The following PSMD11 variants were observed in gnomAD, a reference collection of about 807,000 sequenced individuals.
The protein encoded by PSMD11 is 26S proteasome non-ATPase regulatory subunit 11.
In PSMD11, 5 loss-of-function variants were observed where a neutral mutation model predicts 62.3. That is an observed-to-expected ratio of 0.08 (90% confidence interval 0.04 to 0.17). The LOEUF is 0.17. Ranked by LOEUF, PSMD11 falls within the 10% of genes least tolerant of loss-of-function variation. The pLI, the probability that PSMD11 is intolerant of heterozygous loss-of-function variation, is 1.00. For synonymous variants in PSMD11, 191 were observed against 191.8 expected (o/e 1.00, Z 0.03); for missense variants, 310 against 512.9 (o/e 0.60, Z 3.82).
Position 32,444,547 on chromosome 17 carries a change from G to A in PSMD11, c.24G>A (p.Glu8=), listed in dbSNP as rs774463552. The A allele has an allele frequency of 2.7e-5, 43 of 1,609,178 alleles. No homozygotes were observed. The highest frequency in any genetic ancestry group is 3.2e-5 in the Non-Finnish European group (38 of 1,178,294). Residue 8 remains glutamate (E), a synonymous_variant, in exon 1 of 14, where the codon GAG becomes GAA. Transcript: ENST00000261712. MAAAAVV[E]FQRAQSLLST... is the part of the protein sequence containing the mutation. ...AGATGGCGGCGGCGGCGGTGGTGGA[G>A]TTCCAGAGAGCCCAGTCTCTACTCA...
At chr17:32,449,306 G>A (rs775688225) in intron 2 of PSMD11, among the ~76,000 whole-genome samples, 23 of 152,188 alleles carry the variant, frequency 1.5e-4, no homozygotes, top group Non-Finnish European at 2.8e-4. Context: ...TCTGGAGGCT[G>A]AGGTGGGAGG....
intron 2 of PSMD11, among the ~76,000 whole-genome samples, chr17:32,452,324 A>G (rs1284086953): frequency 1.3e-5 from 2 of 152,218 alleles, no homozygotes; most frequent in East Asian, 3.8e-4. Context: ...TATTAATATC[A>G]CAGGTACAGG....
rs1287313184 is a variant in PSMD11 at position 32,450,906 on chromosome 17, AT to A, written c.194-3577del. Among the ~76,000 whole-genome samples the A allele has an allele frequency of 5.6e-3, 841 of 149,588 alleles. 9 individuals carry two copies. Among genetic ancestry groups the A allele is most frequent in the African/African-American group, 0.019 (773 of 40,682 alleles). ...AAAGACCCTATCTCTGTTAAAAAAA[AT>A]TTTTTTTTTTTAAAGCAGCATGGGT... On this transcript the variant is annotated intron_variant, in intron 2 of 13. Coordinates refer to ENST00000261712, the MANE Select transcript of PSMD11 (RefSeq NM_002815.4).
Position 32,469,203 on chromosome 17 carries a change from G to A in PSMD11, c.643+10G>A, listed in dbSNP as rs764251899. ...TTGGACATGCAGTCGGGTAACAGACGTAGCTATTCCTGGGATGTGTTTTCT... is the reference window on the plus strand; with the variant it reads ...TTGGACATGCAGTCGGGTAACAGACATAGCTATTCCTGGGATGTGTTTTCT... On this transcript the variant is annotated intron_variant, in intron 6 of 13. Transcript: ENST00000261712. 14 of 1,608,488 alleles carry A rather than the reference G, an allele frequency of 8.7e-6. No individual in the cohort carries two copies. The highest frequency in any genetic ancestry group is 2.2e-5 in the East Asian group (1 of 44,778).
chr17:32,459,115 CAT>C (rs10595066), intron 3 of PSMD11, among the ~76,000 whole-genome samples: 36,723 of 111,726 alleles, frequency 0.33, 6,346 homozygotes, highest in East Asian at 0.78. Context: ...AAAAAAAATA[CAT>C]ATATATATAT....
intron 2 of PSMD11, among the ~76,000 whole-genome samples, chr17:32,448,158 T>A (rs544780553): frequency 2.0e-5 from 3 of 151,810 alleles, no homozygotes; most frequent in Non-Finnish European, 4.4e-5. Context: ...GGATTCCAGG[T>A]GTGAGCCATT....
In PSMD11 at chr17:32,444,577, C is replaced by T. The variant is rs1907263844; in HGVS notation, c.54C>T (p.Thr18=). The T allele has an allele frequency of 6.2e-7, 1 of 1,611,788 alleles. No individual in the cohort carries two copies. The highest frequency in any genetic ancestry group is 1.1e-5 in the South Asian group (1 of 90,988). The part of the protein sequence containing the change: ...EFQRAQSLLS[T]DREASIDILH... ...AGAGAGCCCAGTCTCTACTCAGCAC[C>T]GACCGGGAGGCCTCCATCGACATCC... is the stretch of plus-strand genomic sequence containing the variant. The change falls in exon 1 of 14, where the codon ACC becomes ACT. Residue 18 remains threonine, a synonymous_variant. Coordinates refer to ENST00000261712, the MANE Select transcript of PSMD11 (RefSeq NM_002815.4).
intron 3 of PSMD11, chr17:32,454,977 T>C: frequency 4.7e-6 from 1 of 213,078 alleles, no homozygotes; most frequent in Non-Finnish European, 9.5e-6. Flanking sequence ...TCTTGTGGTA[T>C]TCCTTCTTAG....
rs34280753 is a variant in PSMD11, at chr17:32,481,505, C to CT, written c.*768dup. On this transcript the variant is annotated 3_prime_UTR_variant, in exon 14 of 14. Coordinates refer to ENST00000261712, the MANE Select transcript of PSMD11 (RefSeq NM_002815.4). ...CCCAAGGGGCCTGCTATGCATGTGG[C>CT]TTTTTTTTTTTTTTTAAACACAGTA... is the stretch of plus-strand genomic sequence containing the variant. 53 of 145,122 alleles carry CT rather than the reference C, an allele frequency of 3.7e-4. No homozygotes were observed. The highest frequency in any genetic ancestry group is 1.0e-3 in the East Asian group (5 of 4,942). The allele number at this position is 145,122 out of a possible 1,614,324, so 9.0% of individuals were successfully genotyped here.
chr17:32,464,753 A>G (rs1344677184), intron 5 of PSMD11, among the ~76,000 whole-genome samples, 175 bp downstream of exon 5: 1 of 152,246 alleles, frequency 6.6e-6, no homozygotes, highest in Non-Finnish European at 1.5e-5. Context: ...AAAGTTTAAA[A>G]AACTAGCTAG....
At chr17:32,454,459 A>G (rs555229692) in intron 2 of PSMD11, 36 bp from the exon 3 acceptor site, 3 of 1,606,010 alleles carry the variant, frequency 1.9e-6, no homozygotes, top group Non-Finnish European at 2.6e-6. Context: ...TCAAATGTTG[A>G]TGTTTACTCC....
intron 6 of PSMD11, among the ~76,000 whole-genome samples, chr17:32,472,845 T>C (rs1324685977): frequency 6.7e-6 from 1 of 148,166 alleles, no homozygotes; most frequent in African/African-American, 2.5e-5. Context: ...CCTTTTTCTT[T>C]TTTTTTTTTT....
At chr17:32,460,086 G>T (rs966887769) in intron 3 of PSMD11, among the ~76,000 whole-genome samples, 1 of 152,112 alleles carries the variant, frequency 6.6e-6, no homozygotes, top group African/African-American at 2.4e-5. Flanking sequence ...TGAAATGGGG[G>T]TCTTGGTCTG....
At chr17:32,479,580 A>G (rs1908430194) in intron 10 of PSMD11, 7 of 771,870 alleles carry the variant, frequency 9.1e-6, no homozygotes, top group Non-Finnish European at 1.4e-5. Flanking sequence ...TTGCCCCTGC[A>G]TGTGTTCTGA....
chr17:32,479,126 A>G, intron 9 of PSMD11, 125 bp from the exon 10 acceptor site: 1 of 1,289,578 alleles, frequency 7.8e-7, no homozygotes, highest in Non-Finnish European at 1.1e-6. Context: ...GCATCTCCCC[A>G]GATCTCCCCT....
At chr17:32,456,143 CAAAA>C (rs551469411) in intron 3 of PSMD11, among the ~76,000 whole-genome samples, 2 of 58,250 alleles carry the variant, frequency 3.4e-5, no homozygotes, top group Non-Finnish European at 3.5e-5. Flanking sequence ...GACTCTGTCT[CAAAA>C]AAAAAAAAAA....
chr17:32,457,695 G>C (rs1303839880), intron 3 of PSMD11, among the ~76,000 whole-genome samples: 2 of 152,056 alleles, frequency 1.3e-5, no homozygotes, highest in African/African-American at 4.8e-5. Flanking sequence ...CTGCACCTCA[G>C]ACTCAATATG....
intron 3 of PSMD11, among the ~76,000 whole-genome samples, chr17:32,458,094 C>A (rs994478232): frequency 1.3e-5 from 2 of 152,166 alleles, no homozygotes; most frequent in East Asian, 3.8e-4. Flanking sequence ...CTACTGCGCC[C>A]AGCTGTGGTC....
intron 9 of PSMD11, 100 bp from the exon 10 acceptor site, chr17:32,479,151 A>G (rs1908416808): frequency 1.4e-6 from 2 of 1,441,410 alleles, no homozygotes; most frequent in Non-Finnish European, 1.9e-6. Flanking sequence ...TCATTCAACC[A>G]TGTAGTTTTA....
Sources: gnomAD v4.1 joint callset for allele counts (sites outside exome capture counted in the v4.1 genomes callset) on GRCh38, gnomAD v4.1.1 for gene constraint, MANE v1.5 for transcripts, NCBI Gene and HGNC (gene_info 2026-07-23, HGNC 2026-07-21) for gene names.